Variants in MEIS2 observed in about 807,000 individuals in gnomAD.
MEIS2 encodes the protein Meis homeobox 2, also known as homeobox protein Meis2.
A neutral mutation model predicts 58.6 loss-of-function variants in MEIS2; 9 were observed. The observed-to-expected ratio is 0.15, with a 90% CI of 0.09 to 0.27. MEIS2 has a LOEUF of 0.27. Among genes scored for constraint, MEIS2 ranks in the 10% least tolerant of loss-of-function variants. The pLI, the probability that MEIS2 is intolerant of heterozygous loss-of-function variation, is 1.00. For synonymous variants in MEIS2, 221 were observed against 228.4 expected (o/e 0.97, Z 0.29); for missense variants, 427 against 635.0 (o/e 0.67, Z 3.52).
chr15:36,955,550 G>T (rs1450689621), intron 8 of MEIS2, among the ~76,000 whole-genome samples: 2 of 152,132 alleles, frequency 1.3e-5, no homozygotes, highest in Non-Finnish European at 2.9e-5. Flanking sequence ...ATGAGAGAAG[G>T]TTAACAAAGA....
At chr15:36,917,359 A>G (rs1025003452) in intron 9 of MEIS2, among the ~76,000 whole-genome samples, 1 of 151,978 alleles carries the variant, frequency 6.6e-6, no homozygotes, top group South Asian at 2.1e-4. Context: ...GGAATTCTGT[A>G]GTGGTTGGCA....
At chr15:37,086,716 G>A (rs188936889) in intron 6 of MEIS2, among the ~76,000 whole-genome samples, 12 of 152,290 alleles carry the variant, frequency 7.9e-5, no homozygotes, top group African/African-American at 2.6e-4. Flanking sequence ...TGATTTGAAA[G>A]AAGGAAGAAC....
rs1388566746 is a variant in MEIS2 at position 37,100,249 on chromosome 15, CTCTCTT to C, written c.-789_-784del. The C allele has an allele frequency of 5.2e-5, 8 of 152,590 alleles. No individual in the cohort carries two copies. Among genetic ancestry groups the C allele is most frequent in the African/African-American group, 1.9e-4 (8 of 41,418 alleles). 9.5% of individuals were successfully genotyped at this position (152,590 alleles called of 1,614,324 possible). On this transcript the variant is annotated 5_prime_UTR_variant, in exon 1 of 12. Transcript: ENST00000561208. ...TGGTAGGTATTTTGTCTCTCCCTCTCTCTCTTTCTCGCTCGCTCGCTCGCTCTCACT... is the reference window on the plus strand; with the variant it reads ...TGGTAGGTATTTTGTCTCTCCCTCTCTCTCGCTCGCTCGCTCGCTCTCACT...
intron 9 of MEIS2, among the ~76,000 whole-genome samples, chr15:36,905,336 A>G (rs950800230): frequency 1.3e-5 from 2 of 152,156 alleles, no homozygotes. Context: ...CACTTCTATT[A>G]TACTCAATCA....
At chr15:37,030,478 AGATGTGT>A (rs2061872174) in intron 8 of MEIS2, among the ~76,000 whole-genome samples, 1 of 151,926 alleles carries the variant, frequency 6.6e-6, no homozygotes, top group Non-Finnish European at 1.5e-5. Context: ...CTGGGACTAT[AGATGTGT>A]GCCCACACAC....
chr15:37,029,955 C>G (rs890872631), intron 8 of MEIS2, among the ~76,000 whole-genome samples: 1 of 152,108 alleles, frequency 6.6e-6, no homozygotes, highest in African/African-American at 2.4e-5. Context: ...GTTGAGGCCA[C>G]GAGTTTGAGA....
At chr15:37,065,965 T>C (rs889439019) in intron 7 of MEIS2, among the ~76,000 whole-genome samples, 1 of 152,282 alleles carries the variant, frequency 6.6e-6, no homozygotes, top group Non-Finnish European at 1.5e-5. Context: ...GACTATGACA[T>C]AGGAGTTTTG....
chr15:36,960,556 A>T (rs946471630), intron 8 of MEIS2, among the ~76,000 whole-genome samples: 2 of 152,054 alleles, frequency 1.3e-5, no homozygotes, highest in Non-Finnish European at 2.9e-5. Context: ...GTTCACCAAG[A>T]CAGAAAACTC....
chr15:36,923,283 T>C (rs374355584), intron 9 of MEIS2, among the ~76,000 whole-genome samples: 3 of 152,198 alleles, frequency 2.0e-5, no homozygotes, highest in African/African-American at 7.2e-5. Flanking sequence ...CTGGCCTACT[T>C]TCCCTTATTC....
At chr15:36,894,312 G>A (rs920319698) in intron 11 of MEIS2, 2 of 160,930 alleles carry the variant, frequency 1.2e-5, no homozygotes, top group African/African-American at 4.8e-5. Flanking sequence ...ACAGATTTAT[G>A]TCACTCAAAG....
intron 8 of MEIS2, among the ~76,000 whole-genome samples, chr15:36,996,001 A>ATGTGTG (rs1292078980): frequency 7.6e-4 from 78 of 102,882 alleles, no homozygotes; most frequent in African/African-American, 2.4e-3. Flanking sequence ...ATATATATAT[A>ATGTGTG]TGTATATATA....
intron 9 of MEIS2, among the ~76,000 whole-genome samples, chr15:36,917,939 GGTTCCCCT>G (rs1292097340): frequency 6.6e-6 from 1 of 152,082 alleles, no homozygotes; most frequent in Non-Finnish European, 1.5e-5. Flanking sequence ...ATGGTCTTCT[GGTTCCCCT>G]GGTTCATCTC....
chr15:37,045,476 A>G (rs900669984), intron 7 of MEIS2, among the ~76,000 whole-genome samples: 1 of 142,100 alleles, frequency 7.0e-6, no homozygotes, highest in Admixed American at 6.9e-5. Flanking sequence ...TTCAAATGAG[A>G]TTAAAAAAAA....
At chr15:37,009,559 C>T (rs968158697) in intron 8 of MEIS2, among the ~76,000 whole-genome samples, 12 of 152,184 alleles carry the variant, frequency 7.9e-5, no homozygotes, top group Admixed American at 2.0e-4. Context: ...AAGATTGTGT[C>T]TATTAAGACA....
At chr15:37,014,775 C>G (rs1021598063) in intron 8 of MEIS2, among the ~76,000 whole-genome samples, 1 of 151,780 alleles carries the variant, frequency 6.6e-6, no homozygotes. Context: ...AAATGCCAAA[C>G]AGGAAAGGGC....
chr15:37,017,541 T>G lies in MEIS2; in HGVS notation c.900+19273A>C, dbSNP rs111689111. 3.9e-3 allele frequency among the ~76,000 whole-genome samples: 592 copies of G among 152,194 alleles called. 3 individuals are homozygous for G. The highest frequency in any genetic ancestry group is 0.014 in the African/African-American group (564 of 41,516). On this transcript the variant is annotated intron_variant, in intron 8 of 11. Coordinates refer to ENST00000561208, the MANE Select transcript of MEIS2 (RefSeq NM_170675.5). The stretch of plus-strand genomic sequence containing the variant: ...TGCAAAGATCGCTTGAGCCCAGAAG[T>G]GCAGCGAGCTATGATGGTGCCACTG...
At chr15:37,095,338 G>A (rs536612940) in intron 4 of MEIS2, among the ~76,000 whole-genome samples, 12 of 152,264 alleles carry the variant, frequency 7.9e-5, no homozygotes, top group African/African-American at 2.9e-4. Context: ...CTCGGCGCTC[G>A]GTCTCCCGTT....
Position 36,929,348 on chromosome 15 carries a change from T to C in MEIS2, c.977+20976A>G, listed in dbSNP as rs375994602. ...AATATCAGCTCTGGCCAAGGCAGTC[T>C]GCTCTGACCTGTGGGTATGGAGTAT... On this transcript the variant is annotated intron_variant, in intron 9 of 11. Transcript: ENST00000561208. Among the ~76,000 whole-genome samples, 12 of 152,354 alleles carry C rather than the reference T, an allele frequency of 7.9e-5. No individual in the cohort carries two copies. The South Asian group carries it at 1.4e-3, about 18-fold the overall frequency.
intron 9 of MEIS2, among the ~76,000 whole-genome samples, chr15:36,939,435 G>A (rs1408013896): frequency 6.6e-6 from 1 of 152,156 alleles, no homozygotes; most frequent in Non-Finnish European, 1.5e-5. Context: ...TTTTATTCTG[G>A]TGTGATGTCT....
Sources: allele counts gnomAD v4.1 joint callset (sites outside exome capture counted in the v4.1 genomes callset), GRCh38; gene constraint gnomAD v4.1.1; transcripts MANE v1.5; gene names NCBI Gene and HGNC (gene_info 2026-07-23, HGNC 2026-07-21).